The following SMYD3 variants were observed in gnomAD, a reference collection of about 807,000 sequenced individuals.
SMYD3 encodes histone-lysine N-methyltransferase SMYD3.
Under a neutral mutation model 57.7 loss-of-function variants are expected in SMYD3, and 36 were observed. The ratio of observed to expected loss-of-function variants is 0.62; its 90% CI spans 0.48 to 0.82. SMYD3 has a LOEUF of 0.82. Ranked by LOEUF, SMYD3 falls within the 40% of genes least tolerant of loss-of-function variation. SMYD3 has a pLI of 0.00. For missense variants in SMYD3, 515 were observed against 538.8 expected (o/e 0.96, Z 0.44); for synonymous variants, 211 against 195.0 (o/e 1.08, Z -0.68).
chr1:246,384,813 T>C (rs1419375393), intron 1 of SMYD3, among the ~76,000 whole-genome samples: 1 of 152,214 alleles, frequency 6.6e-6, no homozygotes, highest in Non-Finnish European at 1.5e-5. Flanking sequence ...GACAGCTCAG[T>C]AAAAGACAAC....
chr1:245,926,318 C>T (rs149371132), intron 7 of SMYD3, among the ~76,000 whole-genome samples: 11 of 152,226 alleles, frequency 7.2e-5, no homozygotes, highest in East Asian at 1.9e-4. Flanking sequence ...TGGACAGAAA[C>T]GATGATGAAT....
rs115682760 is a variant in SMYD3 at position 245,901,967 on chromosome 1, C to T, written c.813+13563G>A. Among the ~76,000 whole-genome samples, 569 of 152,186 alleles carry T rather than the reference C, an allele frequency of 3.7e-3. 2 individuals are homozygous for T. Among genetic ancestry groups the T allele is most frequent in the African/African-American group, 0.013 (542 of 41,500 alleles). ...CTGGAGTCCATCATGGAATTGTTCC[C>T]AAGGGCATTCATGCTGCATTCTAGT... On this transcript the variant is annotated intron_variant, in intron 8 of 11. Coordinates refer to ENST00000490107, the MANE Select transcript of SMYD3 (RefSeq NM_001167740.2).
At chr1:246,361,254 T>C (rs1273422831) in intron 1 of SMYD3, among the ~76,000 whole-genome samples, 3 of 152,082 alleles carry the variant, frequency 2.0e-5, no homozygotes, top group Non-Finnish European at 4.4e-5. Flanking sequence ...TAATACCACC[T>C]CACTCCTGCA....
intron 5 of SMYD3, among the ~76,000 whole-genome samples, chr1:246,301,591 G>A (rs963642463): frequency 4.6e-5 from 7 of 152,066 alleles, no homozygotes; most frequent in African/African-American, 1.4e-4. Context: ...TCTATTGAGA[G>A]TCTGTTTTAT....
At chr1:245,775,715 TAAAAA>T (rs749327071) in intron 10 of SMYD3, among the ~76,000 whole-genome samples, 1 of 109,962 alleles carries the variant, frequency 9.1e-6, no homozygotes, top group East Asian at 2.3e-4. Context: ...CAATAAATAC[TAAAAA>T]AAAAAAAAAA....
chr1:246,236,451 G>C (rs10924589), intron 5 of SMYD3, among the ~76,000 whole-genome samples: 31,437 of 151,798 alleles, frequency 0.21, 3,953 homozygotes, highest in East Asian at 0.58. Context: ...GTCTCACTCT[G>C]TCGCCCAGGC....
At chr1:246,456,194 C>A (rs2067697171) in intron 1 of SMYD3, among the ~76,000 whole-genome samples, 1 of 152,184 alleles carries the variant, frequency 6.6e-6, no homozygotes, top group South Asian at 2.1e-4. Context: ...AAGCCTTCAG[C>A]TATCACCTAT....
At chr1:246,084,597 C>T (rs2060694318) in intron 5 of SMYD3, among the ~76,000 whole-genome samples, 2 of 152,126 alleles carry the variant, frequency 1.3e-5, no homozygotes, top group South Asian at 4.2e-4. Context: ...ATCAGCATCA[C>T]CATTATGTTG....
chr1:245,980,373 C>T (rs2058565225), intron 5 of SMYD3, among the ~76,000 whole-genome samples: 1 of 152,200 alleles, frequency 6.6e-6, no homozygotes, highest in Admixed American at 6.5e-5. Flanking sequence ...TCCCTGAGGG[C>T]AGGACCCAAG....
chr1:246,233,932 A>G (rs1332706290), intron 5 of SMYD3, among the ~76,000 whole-genome samples: 3 of 136,200 alleles, frequency 2.2e-5, no homozygotes, highest in Non-Finnish European at 3.1e-5. Context: ...CGCTCCTTCA[A>G]TTCACACTGT....
intron 5 of SMYD3, among the ~76,000 whole-genome samples, chr1:245,990,145 C>T (rs2058785977): frequency 6.6e-6 from 1 of 152,198 alleles, no homozygotes; most frequent in Non-Finnish European, 1.5e-5. Flanking sequence ...TCATGGCTCA[C>T]TGCAACCTTG....
chr1:246,363,034 C>T (rs1344416141), intron 1 of SMYD3, among the ~76,000 whole-genome samples: 1 of 151,518 alleles, frequency 6.6e-6, no homozygotes, highest in Non-Finnish European at 1.5e-5. Context: ...TCTGCCCGGC[C>T]GCCCATCGTC....
In SMYD3 at chr1:246,179,361, C is replaced by T. The variant is rs113078451; in HGVS notation, c.531+147840G>A. ...TAATTTATTTTGGTGATGAGGGGTC[C>T]TGATCTCTTGACATACAGACTGAAA... On this transcript the variant is annotated intron_variant, in intron 5 of 11. Coordinates refer to ENST00000490107, the MANE Select transcript of SMYD3 (RefSeq NM_001167740.2). Among the ~76,000 whole-genome samples, 244 of 152,272 alleles carry T rather than the reference C, an allele frequency of 1.6e-3. 1 individual carries two copies. The highest frequency in any genetic ancestry group is 5.4e-3 in the African/African-American group (226 of 41,568).
intron 10 of SMYD3, among the ~76,000 whole-genome samples, chr1:245,808,789 G>A (rs2048315447): frequency 6.6e-6 from 1 of 151,998 alleles, no homozygotes; most frequent in African/African-American, 2.4e-5. Flanking sequence ...GTGAGACAGA[G>A]TCTCATTTTG....
chr1:245,765,612 T>C (rs1393298633), intron 10 of SMYD3, among the ~76,000 whole-genome samples: 2 of 152,146 alleles, frequency 1.3e-5, no homozygotes, highest in African/African-American at 4.8e-5. Context: ...TTGGTTGGAC[T>C]GGGGAAGGCT....
intron 8 of SMYD3, among the ~76,000 whole-genome samples, chr1:245,867,951 C>T (rs1238414596): frequency 6.6e-6 from 1 of 152,216 alleles, no homozygotes; most frequent in East Asian, 1.9e-4. Flanking sequence ...GTGTGCATGT[C>T]ATATCTTCCC....
At chr1:245,757,731 T>C (rs1038000490) in intron 11 of SMYD3, among the ~76,000 whole-genome samples, 5 of 152,174 alleles carry the variant, frequency 3.3e-5, no homozygotes, top group African/African-American at 1.2e-4. Flanking sequence ...AATCATTTGA[T>C]CATATATGCG....
At chr1:246,056,909 A>T (rs2060161630) in intron 5 of SMYD3, among the ~76,000 whole-genome samples, 2 of 152,288 alleles carry the variant, frequency 1.3e-5, no homozygotes, top group South Asian at 4.1e-4. Flanking sequence ...TTAAGAACAC[A>T]CACTCCACAG....
At chr1:246,362,457 CCCTCT>C (rs869179156) in intron 1 of SMYD3, among the ~76,000 whole-genome samples, 41 of 13,388 alleles carry the variant, frequency 3.1e-3, no homozygotes, top group African/African-American at 0.013. Flanking sequence ...CTCTCCCTCT[CCCTCT>C]CCACGGTCTC....
Sources: allele counts gnomAD v4.1 joint callset (sites outside exome capture counted in the v4.1 genomes callset), GRCh38; gene constraint gnomAD v4.1.1; transcripts MANE v1.5; gene names NCBI Gene and HGNC (gene_info 2026-07-23, HGNC 2026-07-21).